Variants in SCFD1 observed in about 807,000 individuals in gnomAD.
SCFD1 encodes the protein sec1 family domain-containing protein 1.
A neutral mutation model predicts 103.2 loss-of-function variants in SCFD1; 37 were observed. The observed-to-expected ratio is 0.36, with a 90% CI of 0.28 to 0.47. The LOEUF is 0.47. Ranked by LOEUF, SCFD1 falls within the 20% of genes least tolerant of loss-of-function variation. SCFD1 has a pLI of 1.00. For synonymous variants in SCFD1, 264 were observed against 245.0 expected, an observed-to-expected ratio of 1.08 and a Z score of -0.73; for missense variants, 639 against 761.2, an observed-to-expected ratio of 0.84 and a Z score of 1.89.
At chr14:30,729,902 A>T (rs181643274) in intron 23 of SCFD1, among the ~76,000 whole-genome samples, 11 of 152,058 alleles carry the variant, frequency 7.2e-5, no homozygotes, top group South Asian at 6.2e-4. Context: ...GTGCGTGTGC[A>T]CAACGTGCAG....
At chr14:30,658,514 T>C (rs1457605047) in intron 10 of SCFD1, among the ~76,000 whole-genome samples, 1 of 152,112 alleles carries the variant, frequency 6.6e-6, no homozygotes, top group Non-Finnish European at 1.5e-5. Context: ...TGCCTCAGCC[T>C]CCTGAGTAGC....
chr14:30,668,488 G>A (rs1888226642), intron 10 of SCFD1, among the ~76,000 whole-genome samples: 2 of 152,040 alleles, frequency 1.3e-5, no homozygotes, highest in African/African-American at 4.8e-5. Flanking sequence ...CATAGGCATG[G>A]GCAAGGACTT....
intron 3 of SCFD1, chr14:30,630,829 C>T: frequency 2.9e-6 from 1 of 346,596 alleles, no homozygotes; most frequent in Admixed American, 4.6e-5. Flanking sequence ...AAGGTCTCTT[C>T]CAGCTCTAAA....
rs1594742680 is a variant in SCFD1, at chr14:30,707,743, T to G, written c.1554-247T>G. The G allele has an allele frequency of 8.2e-6, 4 of 489,446 alleles. No individual in the cohort carries two copies. In the East Asian group the frequency reaches 1.9e-4, roughly 23 times the overall value. The allele number at this position is 489,446 out of a possible 1,614,324, so 30.3% of individuals were successfully genotyped here. ...TGTTTATTTTGAGGGCAGCTCTTTA[T>G]TTTTGTATTTTTTAATAATTATTGA... is the stretch of plus-strand genomic sequence containing the variant. On this transcript the variant is annotated intron_variant, in intron 18 of 24. Coordinates refer to ENST00000458591, the MANE Select transcript of SCFD1 (RefSeq NM_016106.4).
At chr14:30,635,089 C>A in intron 4 of SCFD1, 1 of 390,142 alleles carries the variant, frequency 2.6e-6, no homozygotes, top group South Asian at 1.9e-5. Context: ...ACTGTTGAAT[C>A]AAATTGCTAT....
chr14:30,660,621 T>C (rs912559593), intron 10 of SCFD1, among the ~76,000 whole-genome samples: 5 of 146,632 alleles, frequency 3.4e-5, no homozygotes, highest in African/African-American at 1.3e-4. Flanking sequence ...TATAAATAAC[T>C]TTTTTTTTTT....
intron 19 of SCFD1, among the ~76,000 whole-genome samples, chr14:30,708,694 AT>A (rs1263935638): frequency 6.6e-6 from 1 of 151,590 alleles, no homozygotes; most frequent in Non-Finnish European, 1.5e-5. Context: ...ATCAGAGAAT[AT>A]TAATAAGCTA....
intron 7 of SCFD1, among the ~76,000 whole-genome samples, chr14:30,648,669 T>C (rs749212114): frequency 4.9e-4 from 74 of 152,316 alleles, no homozygotes; most frequent in Non-Finnish European, 9.3e-4. Context: ...CCCAGCACTT[T>C]AGGTGGTTGA....
chr14:30,695,870 T>A (rs947387681), intron 15 of SCFD1, among the ~76,000 whole-genome samples: 10 of 151,932 alleles, frequency 6.6e-5, no homozygotes, highest in South Asian at 2.1e-4. Context: ...AGACCTGGTC[T>A]CAAAAACAAA....
chr14:30,716,329 T>C (rs1892276254), intron 20 of SCFD1, among the ~76,000 whole-genome samples: 1 of 152,250 alleles, frequency 6.6e-6, no homozygotes, highest in Admixed American at 6.5e-5. Flanking sequence ...CAAACCAATT[T>C]AATTTTATAA....
chr14:30,730,091 G>C (rs1358873762), intron 23 of SCFD1, among the ~76,000 whole-genome samples: 1 of 152,164 alleles, frequency 6.6e-6, no homozygotes, highest in Admixed American at 6.5e-5. Context: ...TCCCACCTAT[G>C]AGTGAGAACA....
At chr14:30,713,842 T>A (rs965092000) in intron 19 of SCFD1, among the ~76,000 whole-genome samples, 2 of 152,334 alleles carry the variant, frequency 1.3e-5, no homozygotes, top group African/African-American at 2.4e-5. Flanking sequence ...CAGAATTTTT[T>A]AATTATTTAT....
chr14:30,711,041 A>G (rs1199957530), intron 19 of SCFD1, among the ~76,000 whole-genome samples: 2 of 152,192 alleles, frequency 1.3e-5, no homozygotes, highest in Non-Finnish European at 2.9e-5. Context: ...ATCACATAAA[A>G]CCAGTTGAAT....
Position 30,735,572 on chromosome 14 carries a change from GTGTTT to G in SCFD1, c.1906-7_1906-3del, listed in dbSNP as rs781118369. The G allele has an allele frequency of 1.3e-6, 2 of 1,564,908 alleles. No homozygotes were observed. The highest frequency in any genetic ancestry group is 1.8e-6 in the Non-Finnish European group (2 of 1,140,030). ...TTTTAAAAGTTTTATGTATGATTTT[GTGTTT>G]TGTTTTAGTTGTCACAACTTGGACA... On this transcript the variant is annotated splice_polypyrimidine_tract_variant and intron_variant, in intron 24 of 24. Transcript: ENST00000458591.
chr14:30,723,573 G>T (rs1594766878), intron 23 of SCFD1, among the ~76,000 whole-genome samples: 1 of 152,096 alleles, frequency 6.6e-6, no homozygotes, highest in East Asian at 1.9e-4. Flanking sequence ...CCAGGCCCCA[G>T]TCTGTGTTGT....
intron 17 of SCFD1, 48 bp downstream of exon 17, chr14:30,702,423 T>A (rs111391155): frequency 8.5e-7 from 1 of 1,179,044 alleles, no homozygotes; most frequent in South Asian, 1.5e-5. Context: ...AAGAGTACAA[T>A]TGAGGCTTCA....
At chr14:30,664,577 C>T (rs1298582016) in intron 10 of SCFD1, among the ~76,000 whole-genome samples, 2 of 151,940 alleles carry the variant, frequency 1.3e-5, no homozygotes, top group Admixed American at 1.3e-4. Flanking sequence ...TTCAGAAAGT[C>T]GATAATAACA....
intron 10 of SCFD1, among the ~76,000 whole-genome samples, chr14:30,667,906 C>A (rs569079246): frequency 0.035 from 5,280 of 152,180 alleles, 123 homozygotes; most frequent in Middle Eastern, 0.061. Flanking sequence ...TAAAAGAGGA[C>A]ACAAACAAAT....
intron 10 of SCFD1, among the ~76,000 whole-genome samples, chr14:30,654,306 C>G (rs574220557): frequency 3.3e-5 from 5 of 152,170 alleles, no homozygotes; most frequent in Non-Finnish European, 7.3e-5. Flanking sequence ...TTTACTAACT[C>G]CTAGCTCAGG....
Sources: gnomAD v4.1 joint callset for allele counts (sites outside exome capture counted in the v4.1 genomes callset) on GRCh38, gnomAD v4.1.1 for gene constraint, MANE v1.5 for transcripts, NCBI Gene and HGNC (gene_info 2026-07-23, HGNC 2026-07-21) for gene names.